Variants in CTDP1 observed in about 807,000 individuals in gnomAD.
CTDP1 encodes the protein RNA polymerase II subunit A C-terminal domain phosphatase.
A neutral mutation model predicts 91.8 loss-of-function variants in CTDP1; 47 were observed. That is an observed-to-expected ratio of 0.51 (90% CI 0.41 to 0.65). The LOEUF is 0.65. Among genes scored for constraint, CTDP1 ranks in the 30% least tolerant of loss-of-function variants. CTDP1 has a pLI of 0.00. For missense variants in CTDP1, 1,272 were observed against 1,373.7 expected (o/e 0.93, Z 1.17); for synonymous variants, 656 against 598.5 (o/e 1.10, Z -1.40).
intron 12 of CTDP1, among the ~76,000 whole-genome samples, chr18:79,740,729 G>A (rs1461184706): frequency 2.6e-4 from 39 of 152,196 alleles, no homozygotes; most frequent in Non-Finnish European, 1.5e-5. Flanking sequence ...AAGGGGGAAG[G>A]TTGTGTTTTT....
rs752392285 is a variant in CTDP1, at chr18:79,718,133, C to T, written c.2417+117C>T. Reference sequence around the variant, plus strand: ...AGTGAGGGCGGGTGGAGGCTGCAGACGGTGACTCCTGCTTCCACCTTGTGG... The same window carrying T: ...AGTGAGGGCGGGTGGAGGCTGCAGATGGTGACTCCTGCTTCCACCTTGTGG... On this transcript the variant is annotated intron_variant, in intron 10 of 12. Coordinates refer to ENST00000613122, the MANE Select transcript of CTDP1 (RefSeq NM_004715.5). 22 of 1,196,524 alleles carry T rather than the reference C, an allele frequency of 1.8e-5. No homozygotes were observed. In the Admixed American group the frequency reaches 2.4e-4, roughly 13 times the overall value. The allele number at this position is 1,196,524 out of a possible 1,614,324, so 74.1% of individuals were successfully genotyped here.
intron 12 of CTDP1, among the ~76,000 whole-genome samples, chr18:79,737,947 C>T (rs187780348): frequency 6.6e-6 from 1 of 152,154 alleles, no homozygotes; most frequent in African/African-American, 2.4e-5. Context: ...TGTTAGCTTT[C>T]TTCCTTTTTG....
intron 1 of CTDP1, among the ~76,000 whole-genome samples, chr18:79,683,410 G>T (rs2085416081): frequency 6.6e-6 from 1 of 152,230 alleles, no homozygotes; most frequent in Non-Finnish European, 1.5e-5. Context: ...AACTGCTTTT[G>T]TGGAGGCTCC....
intron 6 of CTDP1, among the ~76,000 whole-genome samples, chr18:79,711,900 C>T (rs1027711867): frequency 5.3e-5 from 8 of 152,002 alleles, no homozygotes; most frequent in African/African-American, 1.9e-4. Context: ...TCCGTCCTTG[C>T]TGATGTAACA....
upstream of CTDP1, chr18:79,679,308 C>T (rs1214618043): frequency 9.5e-6 from 4 of 421,604 alleles, no homozygotes; most frequent in Admixed American, 9.7e-5. Flanking sequence ...GAGGCGGGGC[C>T]ACCAGGACGC....
intron 1 of CTDP1, among the ~76,000 whole-genome samples, chr18:79,686,242 G>A (rs1051581142): frequency 2.0e-5 from 3 of 152,076 alleles, no homozygotes; most frequent in Non-Finnish European, 2.9e-5. Context: ...CATTTTCATG[G>A]TTTCTTTAAA....
rs371494528 is a variant in CTDP1, at chr18:79,695,650, C to T, written c.399-327C>T. 6.6e-5 allele frequency among the ~76,000 whole-genome samples: 10 copies of T among 152,322 alleles called. No individual in the cohort carries two copies. In the East Asian group the frequency reaches 1.2e-3, roughly 18 times the overall value. On this transcript the variant is annotated intron_variant, in intron 2 of 12. Transcript: ENST00000613122. The stretch of plus-strand genomic sequence containing the variant: ...CGCCCCATGCTGGGGGCTGCTTTAC[C>T]TCTAATGCCAAGTGGGAGGTGCGGC...
In CTDP1 at chr18:79,683,834, G is replaced by A. The variant is rs974222400; in HGVS notation, c.314+3573G>A. Among the ~76,000 whole-genome samples the A allele has an allele frequency of 4.7e-4, 72 of 152,310 alleles. 1 individual carries two copies. The highest frequency in any genetic ancestry group is 1.6e-3 in the African/African-American group (68 of 41,564). On this transcript the variant is annotated intron_variant, in intron 1 of 12. Transcript: ENST00000613122. ...GACGAGGTGTGGGATTTACGGGGAGGACAGCCTGTCTCTTGAGGCTTGGTC... is the reference window on the plus strand; with the variant it reads ...GACGAGGTGTGGGATTTACGGGGAGAACAGCCTGTCTCTTGAGGCTTGGTC...
chr18:79,721,880 G>A (rs2086351630), intron 10 of CTDP1, among the ~76,000 whole-genome samples: 1 of 150,524 alleles, frequency 6.6e-6, no homozygotes, highest in Non-Finnish European at 1.5e-5. Context: ...CTGGAGTGCA[G>A]TGGTGCAATC....
In CTDP1 at chr18:79,728,961, G is replaced by A. The variant is rs1353832447; in HGVS notation, c.2472G>A (p.Gln824=). 1 of 1,614,198 alleles carries A rather than the reference G, an allele frequency of 6.2e-7. No homozygotes were observed. Among genetic ancestry groups the A allele is most frequent in the East Asian group, 2.2e-5 (1 of 44,876 alleles). Reference sequence around the variant, plus strand: ...TTGGTGAAGAGCTGCCTGACGCTCAGGACGGAGAGCAGCCTGGCCCTTCTA... The same window carrying A: ...TTGGTGAAGAGCTGCCTGACGCTCAAGACGGAGAGCAGCCTGGCCCTTCTA... ...QMFGEELPDA[Q]DGEQPGPSRR... Residue 824 remains glutamine (Q), a synonymous_variant, in exon 11 of 13, where the codon CAG becomes CAA. Coordinates refer to ENST00000613122, the MANE Select transcript of CTDP1 (RefSeq NM_004715.5).
chr18:79,728,772 T>C (rs1217263937), intron 10 of CTDP1, 135 bp from the exon 11 acceptor site: 3 of 633,492 alleles, frequency 4.7e-6, no homozygotes, highest in Middle Eastern at 3.7e-4. Flanking sequence ...TGGCGAAACA[T>C]CACGTTTTTC....
chr18:79,680,152 G>A lies in CTDP1; in HGVS notation c.205G>A (p.Ala69Thr). ...CTCCGGGGCCTCTCAGTCCCGTGTA[G>A]CCTCCGGGGGCTGCGTGCGCCCCGC... The part of the protein sequence containing the change: ...QSSGASQSRV[A>T]SGGCVRPARP... Residue 69 changes from alanine to threonine, a missense_variant, in exon 1 of 13, where the codon GCC becomes ACC. Ala to Thr is a moderately conservative substitution (Grantham distance 58). Coordinates refer to ENST00000613122, the MANE Select transcript of CTDP1 (RefSeq NM_004715.5). 7.1e-7 allele frequency: 1 copy of A among 1,411,186 alleles called. No homozygotes were observed. Among genetic ancestry groups the A allele is most frequent in the Non-Finnish European group, 9.2e-7 (1 of 1,085,014 alleles). 87.4% of individuals were successfully genotyped at this position (1,411,186 alleles called of 1,614,324 possible).
intron 12 of CTDP1, among the ~76,000 whole-genome samples, chr18:79,737,535 G>T (rs1007923550): frequency 6.6e-6 from 1 of 152,046 alleles, no homozygotes; most frequent in Admixed American, 6.6e-5. Flanking sequence ...TGCTGCTGTC[G>T]AATGGTGGGG....
chr18:79,677,856 T>C (rs1030681741), upstream of CTDP1: 12 of 152,372 alleles, frequency 7.9e-5, no homozygotes, highest in African/African-American at 2.9e-4. Flanking sequence ...GGTCTGTAAA[T>C]GTTGCCCATG....
chr18:79,753,033 T>C (rs1951552015), intron 12 of CTDP1, among the ~76,000 whole-genome samples: 1 of 120,126 alleles, frequency 8.3e-6, no homozygotes, highest in Non-Finnish European at 1.7e-5. Flanking sequence ...GAAAGCCTAG[T>C]GGCACCGGCT....
chr18:79,751,568 T>C (rs904012624), intron 12 of CTDP1, among the ~76,000 whole-genome samples: 1 of 152,170 alleles, frequency 6.6e-6, no homozygotes, highest in Admixed American at 6.5e-5. Context: ...GATCAGCTGA[T>C]TTTATTCCTT....
rs377372845 is a variant in CTDP1 at position 79,710,299 on chromosome 18, G to T, written c.773-47G>T. The stretch of plus-strand genomic sequence containing the variant: ...AGGCTTCACCATGTGCCGTGTGACC[G>T]AAACGTGTCTCAGGTATGTAATCTT... On this transcript the variant is annotated intron_variant, in intron 5 of 12. Transcript: ENST00000613122. 3.5e-4 allele frequency: 520 copies of T among 1,480,852 alleles called. 4 individuals are homozygous for T. In the South Asian group the frequency reaches 5.5e-3, roughly 16 times the overall value. The allele number at this position is 1,480,852 out of a possible 1,614,324, so 91.7% of individuals were successfully genotyped here.
chr18:79,707,880 G>A (rs1366977724), intron 5 of CTDP1, among the ~76,000 whole-genome samples: 1 of 152,196 alleles, frequency 6.6e-6, no homozygotes, highest in Non-Finnish European at 1.5e-5. Flanking sequence ...CGTGTTGATA[G>A]CATGCGTGCT....
intron 10 of CTDP1, among the ~76,000 whole-genome samples, chr18:79,720,225 CTGTCACCTCCCATTGTGTCCTGGTGA>C (rs2086310590): frequency 7.2e-6 from 1 of 139,688 alleles, no homozygotes. Context: ...CCTGGTGATG[CTGTCACCTCCCATTGTGTCCTGGTGA>C]TGTCACCTCC....
Sources: gnomAD v4.1 joint callset for allele counts (sites outside exome capture counted in the v4.1 genomes callset) on GRCh38, gnomAD v4.1.1 for gene constraint, MANE v1.5 for transcripts, NCBI Gene and HGNC (gene_info 2026-07-23, HGNC 2026-07-21) for gene names.